Variants in GFRA1 observed in about 807,000 individuals in gnomAD.
GFRA1 encodes GDNF family receptor alpha 1.
Under a neutral mutation model 51.6 loss-of-function variants are expected in GFRA1, and 16 were observed. The ratio of observed to expected loss-of-function variants is 0.31; its 90% confidence interval spans 0.21 to 0.47. The LOEUF is 0.47. Among genes scored for constraint, GFRA1 ranks in the 20% least tolerant of loss-of-function variants. The pLI is 1.00. For synonymous variants in GFRA1, 270 were observed against 241.3 expected (o/e 1.12, Z -1.10); for missense variants, 530 against 594.3 (o/e 0.89, Z 1.13).
At chr10:116,232,888 T>C (rs1459218720) in intron 4 of GFRA1, among the ~76,000 whole-genome samples, 1 of 152,174 alleles carries the variant, frequency 6.6e-6, no homozygotes, top group Non-Finnish European at 1.5e-5. Flanking sequence ...TTTTTCTGCT[T>C]TGGGAACACT....
intron 4 of GFRA1, among the ~76,000 whole-genome samples, chr10:116,227,387 A>G (rs1966375926): frequency 6.6e-6 from 1 of 152,214 alleles, no homozygotes; most frequent in Non-Finnish European, 1.5e-5. Context: ...AGATGAAGTA[A>G]TGTGGCCAGC....
chr10:116,263,083 A>G (rs2532695), intron 4 of GFRA1, among the ~76,000 whole-genome samples: 151,218 of 152,300 alleles, frequency 0.99, 75,080 homozygotes, highest in South Asian at 1. Context: ...GCCTCAGGCC[A>G]GGTGATTAAG....
chr10:116,167,563 G>A (rs1960595022), intron 5 of GFRA1, among the ~76,000 whole-genome samples: 1 of 143,440 alleles, frequency 7.0e-6, no homozygotes, highest in African/African-American at 2.6e-5. Context: ...AAAATTAATT[G>A]TAACCAAAGT....
chr10:116,073,008 C>A (rs1955470238), intron 9 of GFRA1, among the ~76,000 whole-genome samples: 1 of 152,164 alleles, frequency 6.6e-6, no homozygotes, highest in South Asian at 2.1e-4. Flanking sequence ...AAATGCAAAA[C>A]CTCACGCTAA....
At position 116,089,940 on chromosome 10, in the gene GFRA1, GA is replaced by G; in HGVS notation, c.1016-19del. The G allele has an allele frequency of 1.2e-6, 2 of 1,602,532 alleles. No homozygotes were observed. The highest frequency in any genetic ancestry group is 1.7e-6 in the Non-Finnish European group (2 of 1,173,638). The stretch of plus-strand genomic sequence containing the variant: ...TGCATTTTCTGCAGTAAAACAGGAG[GA>G]AATCCAATTTCAAAGTCAAGCAGCA... On this transcript the variant is annotated intron_variant, in intron 8 of 10. Transcript: ENST00000355422.
chr10:116,271,330 G>A (rs1843917339), intron 2 of GFRA1, among the ~76,000 whole-genome samples: 1 of 152,100 alleles, frequency 6.6e-6, no homozygotes, highest in Non-Finnish European at 1.5e-5. Flanking sequence ...CCGCAAGGAA[G>A]AGTGGCGCAG....
chr10:116,198,713 C>T (rs1964092004), intron 5 of GFRA1, among the ~76,000 whole-genome samples: 2 of 152,152 alleles, frequency 1.3e-5, no homozygotes, highest in Admixed American at 1.3e-4. Flanking sequence ...CCTGGACTCT[C>T]TTTCTTGCCC....
At chr10:116,252,287 G>A (rs2134701727) in intron 4 of GFRA1, among the ~76,000 whole-genome samples, 1 of 152,162 alleles carries the variant, frequency 6.6e-6, no homozygotes, top group South Asian at 2.1e-4. Flanking sequence ...TTTCTGAGAG[G>A]CTGTTTCTAT....
chr10:116,198,034 A>G (rs1964030727), intron 5 of GFRA1, among the ~76,000 whole-genome samples: 1 of 152,124 alleles, frequency 6.6e-6, no homozygotes, highest in Non-Finnish European at 1.5e-5. Context: ...AGATCCCAAG[A>G]ACTAGGATGC....
At chr10:116,118,055 T>C (rs1206386085) in intron 6 of GFRA1, among the ~76,000 whole-genome samples, 1 of 152,106 alleles carries the variant, frequency 6.6e-6, no homozygotes, top group Non-Finnish European at 1.5e-5. Context: ...GAACAAATCT[T>C]ACCAAGCATC....
chr10:116,099,509 C>T (rs1210833828), intron 6 of GFRA1, among the ~76,000 whole-genome samples: 1 of 152,210 alleles, frequency 6.6e-6, no homozygotes, highest in Non-Finnish European at 1.5e-5. Flanking sequence ...AACCTCTGGT[C>T]TTCAGTACTT....
chr10:116,076,359 C>T (rs116440426), intron 9 of GFRA1, among the ~76,000 whole-genome samples: 1,625 of 152,110 alleles, frequency 0.011, 32 homozygotes, highest in African/African-American at 0.037. Context: ...TCCCAAGGAA[C>T]ACCAAATTTC....
chr10:116,256,426 A>T (rs559425574), intron 4 of GFRA1, among the ~76,000 whole-genome samples: 2 of 152,228 alleles, frequency 1.3e-5, no homozygotes, highest in South Asian at 4.2e-4. Context: ...AGGGATCACC[A>T]GCAGCTAAAA....
intron 4 of GFRA1, among the ~76,000 whole-genome samples, chr10:116,231,225 G>A (rs1966658720): frequency 6.6e-6 from 1 of 152,118 alleles, no homozygotes; most frequent in African/African-American, 2.4e-5. Context: ...CCAGGCACAA[G>A]ACCTGTCCTA....
intron 5 of GFRA1, among the ~76,000 whole-genome samples, chr10:116,137,538 G>A (rs966289236): frequency 2.0e-5 from 3 of 152,124 alleles, no homozygotes; most frequent in African/African-American, 2.4e-5. Context: ...GGCTTTTACC[G>A]TCACCACAGC....
intron 5 of GFRA1, among the ~76,000 whole-genome samples, chr10:116,187,034 G>A (rs1486967164): frequency 6.6e-6 from 1 of 152,118 alleles, no homozygotes; most frequent in African/African-American, 2.4e-5. Flanking sequence ...ACTCAATGAA[G>A]GAATAACGTG....
At chr10:116,085,530 C>T (rs1956062268) in intron 9 of GFRA1, among the ~76,000 whole-genome samples, 1 of 152,136 alleles carries the variant, frequency 6.6e-6, no homozygotes, top group South Asian at 2.1e-4. Flanking sequence ...CATCCTCCTC[C>T]CCGGCAAATG....
chr10:116,161,718 C>T (rs1052164793), intron 5 of GFRA1, among the ~76,000 whole-genome samples: 1 of 152,202 alleles, frequency 6.6e-6, no homozygotes, highest in Admixed American at 6.5e-5. Context: ...TCCCTTTGTT[C>T]TTCCTTCATC....
At chr10:116,124,674 G>C (rs1957780124) in intron 6 of GFRA1, among the ~76,000 whole-genome samples, 1 of 152,218 alleles carries the variant, frequency 6.6e-6, no homozygotes, top group Non-Finnish European at 1.5e-5. Flanking sequence ...TGGAGGCTGA[G>C]ATCTGGGAGA....
Sources: gnomAD v4.1 joint callset for allele counts (sites outside exome capture counted in the v4.1 genomes callset) on GRCh38, gnomAD v4.1.1 for gene constraint, MANE v1.5 for transcripts, NCBI Gene and HGNC (gene_info 2026-07-23, HGNC 2026-07-21) for gene names.